SUSD1: variants seen among roughly 807,000 people sequenced by gnomAD.
SUSD1 encodes the protein sushi domain-containing protein 1.
SUSD1 carries 65 observed loss-of-function variants against 86.9 expected under a neutral mutation model. The ratio of observed to expected loss-of-function variants is 0.75; its 90% confidence interval spans 0.61 to 0.92. SUSD1 has a LOEUF of 0.92. SUSD1 is among the 40% of genes least tolerant of loss of function. The pLI, the probability that SUSD1 is intolerant of heterozygous loss-of-function variation, is 0.00. For missense variants in SUSD1, 850 were observed against 929.7 expected, an observed-to-expected ratio of 0.91 and a Z score of 1.11; for synonymous variants, 346 against 350.0, an observed-to-expected ratio of 0.99 and a Z score of 0.13.
Position 112,175,112 on chromosome 9 carries a change from C to A in SUSD1, c.103+21G>T. The A allele has an allele frequency of 1.7e-5, 17 of 1,020,882 alleles. No individual in the cohort carries two copies. Among genetic ancestry groups the A allele is most frequent in the Non-Finnish European group, 1.9e-5 (16 of 854,990 alleles). The allele number at this position is 1,020,882 out of a possible 1,614,324, so 63.2% of individuals were successfully genotyped here. On this transcript the variant is annotated intron_variant, in intron 1 of 16. Coordinates refer to ENST00000374270, the MANE Select transcript of SUSD1 (RefSeq NM_022486.5). The surrounding 1 kb of genome is among the most constrained non-coding windows in gnomAD (Gnocchi z 4.7). The stretch of plus-strand genomic sequence containing the variant: ...CCGGGGGCCCCGCCGGCCGCCCGTG[C>A]CCGTCCCAGCCCGCACTCACCGTCG...
At chr9:112,064,435 C>T (rs1032031476) in intron 12 of SUSD1, among the ~76,000 whole-genome samples, 3 of 152,200 alleles carry the variant, frequency 2.0e-5, no homozygotes, top group Non-Finnish European at 4.4e-5. Flanking sequence ...GAAACCATCC[C>T]CCTACCCACC....
intron 10 of SUSD1, among the ~76,000 whole-genome samples, chr9:112,093,007 A>G (rs1443200988): frequency 6.6e-6 from 1 of 152,182 alleles, no homozygotes; most frequent in Non-Finnish European, 1.5e-5. Flanking sequence ...CCTTCAAAAC[A>G]AATGAATTTG....
intron 6 of SUSD1, among the ~76,000 whole-genome samples, chr9:112,117,978 G>T (rs1831399403): frequency 6.6e-6 from 1 of 152,228 alleles, no homozygotes; most frequent in Non-Finnish European, 1.5e-5. Flanking sequence ...CATAGGAGGG[G>T]AGGGAATAAG....
chr9:112,170,062 C>A (rs556733973), intron 1 of SUSD1, among the ~76,000 whole-genome samples: 1 of 152,298 alleles, frequency 6.6e-6, no homozygotes, highest in African/African-American at 2.4e-5. Context: ...GGATTTTGAG[C>A]TACAGAGACC....
chr9:112,123,481 A>G (rs746995336), intron 6 of SUSD1, among the ~76,000 whole-genome samples: 1 of 152,186 alleles, frequency 6.6e-6, no homozygotes, highest in Non-Finnish European at 1.5e-5. Flanking sequence ...CTCATGAGAT[A>G]TGGAGGAGAC....
chr9:112,065,487 T>G (rs1332081794), intron 12 of SUSD1, among the ~76,000 whole-genome samples: 1 of 152,246 alleles, frequency 6.6e-6, no homozygotes, highest in Non-Finnish European at 1.5e-5. Flanking sequence ...ATTGTGCCAC[T>G]GCACTCCAGC....
At chr9:112,071,015 C>G (rs1339706798) in intron 12 of SUSD1, among the ~76,000 whole-genome samples, 1 of 152,088 alleles carries the variant, frequency 6.6e-6, no homozygotes, top group Non-Finnish European at 1.5e-5. Flanking sequence ...AAAGTGGTCT[C>G]ACTGTGTCGC....
chr9:112,130,539 G>GAAAGGAAGGAAAGA (rs1831978600), intron 5 of SUSD1, among the ~76,000 whole-genome samples: 1 of 148,832 alleles, frequency 6.7e-6, no homozygotes, highest in South Asian at 2.1e-4. Flanking sequence ...AGAAAGGAAG[G>GAAAGGAAGGAAAGA]AAAGGAAGGA....
intron 12 of SUSD1, among the ~76,000 whole-genome samples, chr9:112,073,026 A>G (rs1374312235): frequency 2.0e-5 from 3 of 152,194 alleles, no homozygotes; most frequent in African/African-American, 4.8e-5. Context: ...ACCATGAAAG[A>G]GAAGCCTCGG....
chr9:112,153,879 G>T (rs1833177548), intron 2 of SUSD1, among the ~76,000 whole-genome samples: 1 of 151,972 alleles, frequency 6.6e-6, no homozygotes, highest in African/African-American at 2.4e-5. Flanking sequence ...TTCCAAAAGT[G>T]CTGGGATTAC....
At chr9:112,106,952 C>T (rs1830868427) in intron 8 of SUSD1, among the ~76,000 whole-genome samples, 1 of 151,544 alleles carries the variant, frequency 6.6e-6, no homozygotes, top group Non-Finnish European at 1.5e-5. Flanking sequence ...ACAAAAGACA[C>T]AGCAAAGTAG....
At chr9:112,155,569 A>T (rs553263872) in intron 2 of SUSD1, among the ~76,000 whole-genome samples, 1 of 152,290 alleles carries the variant, frequency 6.6e-6, no homozygotes, top group South Asian at 2.1e-4. Context: ...TTTGAAGACA[A>T]GACTCAGTGG....
chr9:112,102,294 CAA>C lies in SUSD1; in HGVS notation c.1172-11_1172-10del, dbSNP rs1471918558. The C allele has an allele frequency of 6.7e-7, 1 of 1,484,208 alleles. No individual in the cohort carries two copies. Among genetic ancestry groups the C allele is most frequent in the South Asian group, 1.2e-5 (1 of 82,138 alleles). The allele number at this position is 1,484,208 out of a possible 1,614,324, so 91.9% of individuals were successfully genotyped here. A position where few individuals can be genotyped will look rare whatever the true frequency, so the allele number is the denominator to read the frequency against. ...TTCTAAGAGATCAACTTCTAAAAGACAAGAGAGAGAGTTATAGACAGCTTGCA... is the reference window on the plus strand; with the variant it reads ...TTCTAAGAGATCAACTTCTAAAAGACGAGAGAGAGTTATAGACAGCTTGCA... On this transcript the variant is annotated splice_polypyrimidine_tract_variant and intron_variant, in intron 8 of 16. Coordinates refer to ENST00000374270, the MANE Select transcript of SUSD1 (RefSeq NM_022486.5).
At chr9:112,172,173 TGG>T (rs1834071823) in intron 1 of SUSD1, among the ~76,000 whole-genome samples, 1 of 147,166 alleles carries the variant, frequency 6.8e-6, no homozygotes, top group Admixed American at 6.9e-5. Context: ...CCATCCAGCC[TGG>T]GCGACAGAGT....
At chr9:112,055,228 C>T (rs780638254) in intron 14 of SUSD1, among the ~76,000 whole-genome samples, 2 of 152,094 alleles carry the variant, frequency 1.3e-5, no homozygotes, top group Non-Finnish European at 2.9e-5. Flanking sequence ...GAGTTCAAGA[C>T]CATCCTGGGA....
chr9:112,089,821 AAAAAAAAAAAAG>A lies in SUSD1; in HGVS notation c.1474+8637_1474+8648del, dbSNP rs1374437797. Among the ~76,000 whole-genome samples, 35 of 147,338 alleles carry A rather than the reference AAAAAAAAAAAAG, an allele frequency of 2.4e-4. No individual in the cohort carries two copies. In the East Asian group the frequency reaches 6.0e-3, roughly 25 times the overall value. On this transcript the variant is annotated intron_variant, in intron 10 of 16. Transcript: ENST00000374270. ...AGCAAGATTCCATCTCAAAAAAAAAAAAAAAAAAAAAGAAAAGAAAAGAAAAGAAAGCAGAAA... is the reference window on the plus strand; with the variant it reads ...AGCAAGATTCCATCTCAAAAAAAAAAAAAAGAAAAGAAAAGAAAGCAGAAA...
At chr9:112,134,525 G>A (rs114904585) in intron 5 of SUSD1, among the ~76,000 whole-genome samples, 1,714 of 152,074 alleles carry the variant, frequency 0.011, 42 homozygotes, top group African/African-American at 0.039. Context: ...AATACCACAC[G>A]TTCTCACATA....
intron 3 of SUSD1, among the ~76,000 whole-genome samples, chr9:112,148,387 C>T (rs1832897822): frequency 6.6e-6 from 1 of 152,170 alleles, no homozygotes; most frequent in African/African-American, 2.4e-5. Flanking sequence ...AGCTCCCATG[C>T]TCCCAAAACT....
intron 1 of SUSD1, among the ~76,000 whole-genome samples, chr9:112,165,122 T>G (rs1833725858): frequency 6.6e-6 from 1 of 152,236 alleles, no homozygotes; most frequent in South Asian, 2.1e-4. Flanking sequence ...CGAAAGTCCT[T>G]TCTCCCTAAA....
Sources: gnomAD v4.1 joint callset for allele counts (sites outside exome capture counted in the v4.1 genomes callset) on GRCh38, gnomAD v4.1.1 for gene constraint, Gnocchi (gnomAD v3.1) non-coding constraint, MANE v1.5 for transcripts, NCBI Gene and HGNC (gene_info 2026-07-23, HGNC 2026-07-21) for gene names.